Variants in CNTN1 observed in about 807,000 individuals in gnomAD.
CNTN1 encodes contactin 1, also known as contactin-1.
In CNTN1, 38 loss-of-function variants were observed where a neutral mutation model predicts 126.4. That is an observed-to-expected ratio of 0.30 (90% CI 0.23 to 0.39). The LOEUF (loss-of-function observed/expected upper bound fraction) is 0.39. Among genes scored for constraint, CNTN1 ranks in the 10% least tolerant of loss-of-function variants. The pLI, the probability that CNTN1 is intolerant of heterozygous loss-of-function variation, is 1.00. For synonymous variants in CNTN1, 413 were observed against 422.6 expected (o/e 0.98, Z 0.28); for missense variants, 1,009 against 1,248.4 (o/e 0.81, Z 2.89).
intron 1 of CNTN1, among the ~76,000 whole-genome samples, chr12:40,855,532 A>T (rs1177723970): frequency 1.3e-5 from 2 of 152,080 alleles, no homozygotes; most frequent in Non-Finnish European, 2.9e-5. Flanking sequence ...TTATCTAATA[A>T]TGCATTTTAG....
intron 1 of CNTN1, among the ~76,000 whole-genome samples, chr12:40,812,885 ATCC>A (rs1159216390): frequency 1.3e-5 from 2 of 148,400 alleles, no homozygotes; most frequent in Non-Finnish European, 1.5e-5. Flanking sequence ...AGAGAATTTA[ATCC>A]ATTTGCATTC....
At chr12:40,741,562 A>G (rs916829235) in intron 1 of CNTN1, among the ~76,000 whole-genome samples, 1 of 152,130 alleles carries the variant, frequency 6.6e-6, no homozygotes, top group Non-Finnish European at 1.5e-5. Flanking sequence ...TTCATTTTAA[A>G]TGACATCTAT....
At position 40,807,348 on chromosome 12, in the gene CNTN1, T is replaced by C. The variant is rs140943895; in HGVS notation, c.-76-101009T>C. ...TCCTCTTTTTATCCCCATCCCTACA[T>C]GGTGAGTAGTTCTCTAGTCTAGAGA... On this transcript the variant is annotated intron_variant, in intron 1 of 23. Coordinates refer to ENST00000551295, the MANE Select transcript of CNTN1 (RefSeq NM_001843.4). 8.2e-3 allele frequency among the ~76,000 whole-genome samples: 1,252 copies of C among 152,140 alleles called. 7 individuals carry two copies. Among genetic ancestry groups the C allele is most frequent in the Non-Finnish European group, 0.015 (1,016 of 67,980 alleles).
intron 1 of CNTN1, among the ~76,000 whole-genome samples, chr12:40,866,055 G>A (rs1474279939): frequency 6.6e-6 from 1 of 151,830 alleles, no homozygotes; most frequent in African/African-American, 2.4e-5. Flanking sequence ...TCTTTCCTAA[G>A]TATGTTATTC....
chr12:40,769,263 A>AT (rs1565709653), intron 1 of CNTN1, among the ~76,000 whole-genome samples: 1 of 136,608 alleles, frequency 7.3e-6, no homozygotes, highest in East Asian at 2.1e-4. Context: ...TAAACAATAT[A>AT]TCTTTTTTTC....
intron 1 of CNTN1, among the ~76,000 whole-genome samples, chr12:40,754,608 T>C (rs1592050870): frequency 1.3e-5 from 2 of 152,198 alleles, no homozygotes; most frequent in East Asian, 3.9e-4. Context: ...TTCTTAATCA[T>C]GCATTGCCAG....
At chr12:41,061,483 A>G (rs966799218) in intron 23 of CNTN1, among the ~76,000 whole-genome samples, 2 of 152,198 alleles carry the variant, frequency 1.3e-5, no homozygotes, top group Admixed American at 1.3e-4. Context: ...TGGGTTCACA[A>G]TTGCCAAACG....
chr12:40,737,029 A>G (rs1937715536), intron 1 of CNTN1, among the ~76,000 whole-genome samples: 2 of 151,978 alleles, frequency 1.3e-5, no homozygotes, highest in Non-Finnish European at 2.9e-5. Flanking sequence ...AGTGAAACTG[A>G]TCCTTGAGAA....
chr12:40,863,490 T>C (rs1565849923), intron 1 of CNTN1, among the ~76,000 whole-genome samples: 1 of 152,188 alleles, frequency 6.6e-6, no homozygotes. Flanking sequence ...ACTAATATCC[T>C]ATCTCTTAAT....
intron 23 of CNTN1, among the ~76,000 whole-genome samples, chr12:41,051,121 T>C (rs1044508036): frequency 2.0e-5 from 3 of 151,896 alleles, no homozygotes; most frequent in Non-Finnish European, 4.4e-5. Context: ...TGAGCTGTGT[T>C]TTTAGAACAT....
In CNTN1 at chr12:40,856,534, A is replaced by C. The variant is rs547066693; in HGVS notation, c.-76-51823A>C. On this transcript the variant is annotated intron_variant, in intron 1 of 23. Coordinates refer to ENST00000551295, the MANE Select transcript of CNTN1 (RefSeq NM_001843.4). ...ACAATTTTCTCTGCAGTCATCAGCC[A>C]CAAGGGTGAAGATGCAGAGAAAGCA... 3.1e-3 allele frequency among the ~76,000 whole-genome samples: 475 copies of C among 152,254 alleles called. 7 individuals are homozygous for C. Among genetic ancestry groups the C allele is most frequent in the African/African-American group, 0.011 (454 of 41,560 alleles).
rs1944915906 is a variant in CNTN1 at position 40,908,475 on chromosome 12, A to G, written c.43A>G (p.Ile15Val). Reference protein sequence around the residue: ...LLVSHLVIISITTCLAEFTWY... With the variant: ...LLVSHLVIISVTTCLAEFTWY... ...GGTCAGTCATCTTGTGATAATATCT[A>G]TTACTACCTGTTTAGCAGGTAAGAA... The change falls in exon 2 of 24, where the codon ATT becomes GTT. Residue 15 changes from isoleucine to valine, a missense_variant. Transcript: ENST00000551295. 15 of 1,610,092 alleles carry G rather than the reference A, an allele frequency of 9.3e-6. No homozygotes were observed. Among genetic ancestry groups the G allele is most frequent in the Non-Finnish European group, 1.3e-5 (15 of 1,177,014 alleles).
intron 16 of CNTN1, among the ~76,000 whole-genome samples, chr12:40,982,776 A>G (rs998344350): frequency 6.6e-6 from 1 of 152,128 alleles, no homozygotes; most frequent in African/African-American, 2.4e-5. Flanking sequence ...ATATATAGTA[A>G]GTCATGTGGT....
intron 1 of CNTN1, among the ~76,000 whole-genome samples, chr12:40,741,582 A>G (rs558841468): frequency 1.3e-5 from 2 of 152,068 alleles, no homozygotes; most frequent in Admixed American, 6.6e-5. Context: ...TTGAGCAACT[A>G]TTTGCACCGG....
intron 1 of CNTN1, chr12:40,742,412 A>G (rs1262983826): frequency 1.3e-5 from 2 of 152,132 alleles, no homozygotes; most frequent in Non-Finnish European, 2.9e-5. Context: ...TTTGCAGAGA[A>G]TTCTATCCAA....
chr12:40,925,551 ATATATACACGTATATATACGTATATACG>A (rs1945618062), intron 6 of CNTN1, among the ~76,000 whole-genome samples: 1 of 131,222 alleles, frequency 7.6e-6, no homozygotes, highest in African/African-American at 2.9e-5. Context: ...GTGTGTGTAT[ATATATACACGTATATATACGTATATACG>A]TATATATACA....
intron 14 of CNTN1, among the ~76,000 whole-genome samples, chr12:40,947,221 T>C (rs1387330078): frequency 6.6e-6 from 1 of 152,064 alleles, no homozygotes; most frequent in Non-Finnish European, 1.5e-5. Context: ...TTCCTGAGTA[T>C]TATATTAATA....
chr12:40,698,142 A>C (rs1009011972), intron 1 of CNTN1, among the ~76,000 whole-genome samples: 33 of 151,316 alleles, frequency 2.2e-4, no homozygotes, highest in African/African-American at 8.0e-4. Flanking sequence ...GGTTCTCCAG[A>C]GCATAGGTGT....
Position 40,930,018 on chromosome 12 carries a change from G to A in CNTN1, c.703+16G>A. On this transcript the variant is annotated intron_variant, in intron 7 of 23. Transcript: ENST00000551295. ...ATACCTGAACGTAAGTATTTTATTT[G>A]TTACACTCTGTTTTCGCAAGGTTAT... is the stretch of plus-strand genomic sequence containing the variant. 1 of 1,578,670 alleles carries A rather than the reference G, an allele frequency of 6.3e-7. No homozygotes were observed. Among genetic ancestry groups the A allele is most frequent in the Non-Finnish European group, 8.7e-7 (1 of 1,148,238 alleles).
Sources: allele counts gnomAD v4.1 joint callset (sites outside exome capture counted in the v4.1 genomes callset), GRCh38; gene constraint gnomAD v4.1.1; transcripts MANE v1.5; gene names NCBI Gene and HGNC (gene_info 2026-07-23, HGNC 2026-07-21).